AUTS2: variants seen among roughly 807,000 people sequenced by gnomAD.
AUTS2 encodes activator of transcription and developmental regulator AUTS2.
In AUTS2, 17 loss-of-function variants were observed where a neutral mutation model predicts 112.4. That is an observed-to-expected ratio of 0.15 (90% CI 0.10 to 0.23). The LOEUF (loss-of-function observed/expected upper bound fraction) is 0.23, where lower values mean the gene tolerates loss of function less well. Ranked by LOEUF, AUTS2 falls within the 10% of genes least tolerant of loss-of-function variation. The pLI is 1.00. For missense variants in AUTS2, 1,510 were observed against 1,701.6 expected (o/e 0.89, Z 1.98); for synonymous variants, 751 against 702.7 (o/e 1.07, Z -1.09).
intron 4 of AUTS2, among the ~76,000 whole-genome samples, chr7:70,310,339 G>A (rs780591820): frequency 1.3e-5 from 2 of 152,038 alleles, no homozygotes; most frequent in Admixed American, 6.5e-5. Context: ...GGCCGGACGC[G>A]GTGGCTCACG....
At chr7:69,726,323 T>C (rs754296657) in intron 1 of AUTS2, among the ~76,000 whole-genome samples, 1 of 152,350 alleles carries the variant, frequency 6.6e-6, no homozygotes, top group South Asian at 2.1e-4. Context: ...GTTTGCCTTC[T>C]TCTGTTAACA....
intron 4 of AUTS2, among the ~76,000 whole-genome samples, chr7:70,378,185 C>T (rs1793204576): frequency 1.3e-5 from 2 of 152,144 alleles, no homozygotes; most frequent in Admixed American, 1.3e-4. Flanking sequence ...TTTATCTATT[C>T]ACTTATGAAT....
At chr7:69,734,817 A>C (rs1018916754) in intron 1 of AUTS2, among the ~76,000 whole-genome samples, 1 of 152,158 alleles carries the variant, frequency 6.6e-6, no homozygotes, top group Non-Finnish European at 1.5e-5. Context: ...AAGCTCTGAA[A>C]AGGTTTTTAT....
chr7:69,968,111 T>G (rs1399581493), intron 2 of AUTS2, among the ~76,000 whole-genome samples: 1 of 152,228 alleles, frequency 6.6e-6, no homozygotes, highest in African/African-American at 2.4e-5. Context: ...TTAGATTGAA[T>G]AGAGAATTTT....
At chr7:70,228,245 T>G (rs1811869543) in intron 4 of AUTS2, among the ~76,000 whole-genome samples, 1 of 152,006 alleles carries the variant, frequency 6.6e-6, no homozygotes, top group Non-Finnish European at 1.5e-5. Flanking sequence ...TAAACTACAT[T>G]TAATTTGTAT....
At chr7:70,087,456 A>G (rs927816449) in intron 2 of AUTS2, among the ~76,000 whole-genome samples, 29 of 148,124 alleles carry the variant, frequency 2.0e-4, no homozygotes, top group Non-Finnish European at 4.5e-5. Context: ...TGCAACCTCC[A>G]CCTCCCAGGT....
chr7:70,549,506 G>A (rs1016908226), intron 5 of AUTS2, among the ~76,000 whole-genome samples: 10 of 152,184 alleles, frequency 6.6e-5, no homozygotes, highest in African/African-American at 2.4e-4. Flanking sequence ...GGGAAGAATG[G>A]GTGACTGCAT....
intron 2 of AUTS2, among the ~76,000 whole-genome samples, chr7:69,901,252 A>G (rs1205368747): frequency 1.3e-5 from 2 of 152,096 alleles, no homozygotes; most frequent in Non-Finnish European, 2.9e-5. Flanking sequence ...ATCTCAGTGG[A>G]GAGAGATTGC....
At chr7:69,820,449 A>G (rs1207091719) in intron 1 of AUTS2, among the ~76,000 whole-genome samples, 3 of 152,210 alleles carry the variant, frequency 2.0e-5, no homozygotes, top group Non-Finnish European at 2.9e-5. Context: ...GAAACCATGG[A>G]TGGTGTTTTA....
At chr7:70,248,004 G>C (rs748315342) in intron 4 of AUTS2, among the ~76,000 whole-genome samples, 7 of 152,136 alleles carry the variant, frequency 4.6e-5, no homozygotes, top group Non-Finnish European at 8.8e-5. Context: ...TAATCTGTTA[G>C]TGTGATAAAC....
In AUTS2 at chr7:70,594,839, C is replaced by T. The variant is rs968308865; in HGVS notation, c.691-103730C>T. Among the ~76,000 whole-genome samples the T allele has an allele frequency of 2.0e-5, 3 of 152,184 alleles. No homozygotes were observed. In the South Asian group the frequency reaches 6.2e-4, roughly 32 times the overall value. On this transcript the variant is annotated intron_variant, in intron 5 of 18. Transcript: ENST00000342771. ...AGCTGAGGCCGGGCACAGTCGCTCA[C>T]ACCTGTAATCCCAGCACTTTGGAAG...
At chr7:69,988,866 G>C (rs1375405580) in intron 2 of AUTS2, among the ~76,000 whole-genome samples, 1 of 152,166 alleles carries the variant, frequency 6.6e-6, no homozygotes, top group African/African-American at 2.4e-5. Flanking sequence ...AACTTAGAGT[G>C]AATGATTTCA....
At position 70,631,372 on chromosome 7, in the gene AUTS2, C is replaced by T. The variant is rs955602473; in HGVS notation, c.691-67197C>T. Among the ~76,000 whole-genome samples the T allele has an allele frequency of 6.6e-5, 10 of 152,142 alleles. No individual in the cohort carries two copies. The highest frequency in any genetic ancestry group is 1.7e-4 in the African/African-American group (7 of 41,426). On this transcript the variant is annotated intron_variant, in intron 5 of 18. Transcript: ENST00000342771. This position sits in a 1 kb window ranked among gnomAD's most constrained non-coding sequence, Gnocchi z 4.5. Reference sequence around the variant, plus strand: ...GGCGGCGGGGAAGCATGTGCACATGCGTGTCTGCACTGCTGTGTGCGTGTC... The same window carrying T: ...GGCGGCGGGGAAGCATGTGCACATGTGTGTCTGCACTGCTGTGTGCGTGTC...
intron 2 of AUTS2, among the ~76,000 whole-genome samples, chr7:69,921,379 A>C (rs913358518): frequency 6.6e-6 from 1 of 150,546 alleles, no homozygotes; most frequent in Non-Finnish European, 1.5e-5. Context: ...AAAAGTAGAA[A>C]AGTTAAAAGA....
intron 1 of AUTS2, among the ~76,000 whole-genome samples, chr7:69,882,710 T>C (rs1187521295): frequency 1.3e-5 from 2 of 152,220 alleles, no homozygotes; most frequent in Admixed American, 6.5e-5. Context: ...CCATTTTATA[T>C]ATGAGAAAAC....
chr7:69,777,730 A>G (rs1788956415), intron 1 of AUTS2, among the ~76,000 whole-genome samples: 1 of 152,208 alleles, frequency 6.6e-6, no homozygotes, highest in African/African-American at 2.4e-5. Flanking sequence ...GCTTCCGAGA[A>G]AACTTTGGGC....
At chr7:69,947,152 T>C (rs2129545558) in intron 2 of AUTS2, among the ~76,000 whole-genome samples, 1 of 152,338 alleles carries the variant, frequency 6.6e-6, no homozygotes, top group South Asian at 2.1e-4. Context: ...CTTACACAGA[T>C]GTCAACTAAT....
intron 5 of AUTS2, among the ~76,000 whole-genome samples, chr7:70,529,491 A>G (rs1302962356): frequency 6.6e-6 from 1 of 152,176 alleles, no homozygotes; most frequent in Non-Finnish European, 1.5e-5. Flanking sequence ...CTGTATTCAG[A>G]CCCTCTGCTC....
intron 4 of AUTS2, among the ~76,000 whole-genome samples, chr7:70,386,275 C>T (rs528462163): frequency 1.3e-5 from 2 of 152,160 alleles, no homozygotes; most frequent in Admixed American, 6.5e-5. Flanking sequence ...AAAACCAAGA[C>T]GCTTTTTGGT....
Sources: allele counts gnomAD v4.1 joint callset (sites outside exome capture counted in the v4.1 genomes callset), GRCh38; gene constraint gnomAD v4.1.1; non-coding constraint Gnocchi (gnomAD v3.1); transcripts MANE v1.5; gene names NCBI Gene and HGNC (gene_info 2026-07-23, HGNC 2026-07-21).